The following SF3A3 variants were observed in gnomAD, a reference collection of about 807,000 sequenced individuals.
The protein encoded by SF3A3 is SAP 61.
SF3A3 carries 9 observed loss-of-function variants against 85.8 expected under a neutral mutation model. That is an observed-to-expected ratio of 0.10 (90% CI 0.06 to 0.18). SF3A3 has a LOEUF of 0.18. SF3A3 is among the 10% of genes least tolerant of loss of function. The pLI, the probability that SF3A3 is intolerant of heterozygous loss-of-function variation, is 1.00. For synonymous variants in SF3A3, 195 were observed against 204.4 expected (o/e 0.95, Z 0.39); for missense variants, 306 against 593.3 (o/e 0.52, Z 5.03).
intron 15 of SF3A3, among the ~76,000 whole-genome samples, chr1:37,967,677 CAAAAAAAAAAAAAAAAA>C (rs34369006): frequency 8.1e-4 from 36 of 44,240 alleles, no homozygotes; most frequent in African/African-American, 2.9e-3. Flanking sequence ...GACTCCGTCA[CAAAAAAAAAAAAAAAAA>C]AAAAAAAAAA....
At chr1:37,960,845 G>A (rs1301472472) in intron 15 of SF3A3, among the ~76,000 whole-genome samples, 1 of 151,964 alleles carries the variant, frequency 6.6e-6, no homozygotes, top group Admixed American at 6.6e-5. Context: ...AGTAGAGATG[G>A]GGTTTCACCG....
chr1:37,965,191 T>G (rs552291725), intron 15 of SF3A3, among the ~76,000 whole-genome samples: 1 of 147,972 alleles, frequency 6.8e-6, no homozygotes, highest in Non-Finnish European at 1.5e-5. Flanking sequence ...TAAAGTTGGG[T>G]GCAGTGCCTC....
Position 37,975,662 on chromosome 1 carries a change from T to A in SF3A3, c.1005+1222A>T, listed in dbSNP as rs990145791. Reference sequence around the variant, plus strand: ...CAGCGGAGAATATATCTCTCCAATGTCCAATGTCTAGCTAGCCTTTTACTG... The same window carrying A: ...CAGCGGAGAATATATCTCTCCAATGACCAATGTCTAGCTAGCCTTTTACTG... On this transcript the variant is annotated intron_variant, in intron 12 of 16. Coordinates refer to ENST00000373019, the MANE Select transcript of SF3A3 (RefSeq NM_006802.4). Among the ~76,000 whole-genome samples the A allele has an allele frequency of 2.0e-5, 3 of 152,156 alleles. No homozygotes were observed. In the East Asian group the frequency reaches 5.8e-4, roughly 29 times the overall value.
rs767990214 is a variant in SF3A3, at chr1:37,976,908, G to T, written c.981C>A (p.Ile327=). Residue 327 remains isoleucine, a synonymous_variant, in exon 12 of 17, where the codon ATC becomes ATA. Transcript: ENST00000373019. ...NKDIAFLEAQ[I]YEYVEILGEQ... ...CCCCGAGAATCTCTACATATTCATA[G>T]ATCTGGGCTTCTAGAAAAGCAATGT... is the stretch of plus-strand genomic sequence containing the variant. 50 of 1,607,272 alleles carry T rather than the reference G, an allele frequency of 3.1e-5. No individual in the cohort carries two copies. The highest frequency in any genetic ancestry group is 4.0e-5 in the Non-Finnish European group (47 of 1,174,006).
At chr1:37,967,785 G>A (rs976300279) in intron 15 of SF3A3, among the ~76,000 whole-genome samples, 11 of 151,450 alleles carry the variant, frequency 7.3e-5, no homozygotes, top group African/African-American at 1.5e-4. Flanking sequence ...GCTTGCGCCC[G>A]GGAGGCAGAG....
At position 37,958,231 on chromosome 1, in the gene SF3A3, C is replaced by G. The variant is rs1265905215; in HGVS notation, c.1461G>C (p.Val487=). The G allele has an allele frequency of 6.2e-7, 1 of 1,612,256 alleles. No homozygotes were observed. The highest frequency in any genetic ancestry group is 1.1e-5 in the South Asian group (1 of 91,030). ...TCAGATCCTCGTATGTCTTCTTATTCACAACATTCCCACTTGAGTCTTCAT... is the reference window on the plus strand; with the variant it reads ...TCAGATCCTCGTATGTCTTCTTATTGACAACATTCCCACTTGAGTCTTCAT... ...EEYEDSSGNV[V]NKKTYEDLKR... is the part of the protein sequence containing the mutation. Residue 487 remains valine (V), a synonymous_variant, in exon 17 of 17, where the codon GTG becomes GTC. Coordinates refer to ENST00000373019, the MANE Select transcript of SF3A3 (RefSeq NM_006802.4).
At chr1:37,970,655 G>C (rs1035393767) in intron 12 of SF3A3, among the ~76,000 whole-genome samples, 2 of 152,148 alleles carry the variant, frequency 1.3e-5, no homozygotes, top group African/African-American at 4.8e-5. Context: ...ATAACAAACT[G>C]TCTCTCAGAC....
At chr1:37,985,875 T>C (rs1280655705) in intron 4 of SF3A3, among the ~76,000 whole-genome samples, 1 of 152,028 alleles carries the variant, frequency 6.6e-6, no homozygotes, top group Non-Finnish European at 1.5e-5. Context: ...TTTTTCCCTG[T>C]GCTCCTTCAA....
At position 37,964,219 on chromosome 1, in the gene SF3A3, A is replaced by G. The variant is rs898332799; in HGVS notation, c.1372+3825T>C. On this transcript the variant is annotated intron_variant, in intron 15 of 16. Coordinates refer to ENST00000373019, the MANE Select transcript of SF3A3 (RefSeq NM_006802.4). ...CAAAAACAAACTCTGTATGGCTAAG[A>G]GAACACGATTTCTTTCTAGAAAGAC... Among the ~76,000 whole-genome samples, 4 of 152,190 alleles carry G rather than the reference A, an allele frequency of 2.6e-5. No individual in the cohort carries two copies. In the East Asian group the frequency reaches 7.8e-4, roughly 30 times the overall value.
At chr1:37,967,551 C>T (rs937826797) in intron 15 of SF3A3, among the ~76,000 whole-genome samples, 20 of 150,390 alleles carry the variant, frequency 1.3e-4, no homozygotes, top group Admixed American at 3.3e-4. Context: ...TGGTGGCGGG[C>T]GCCTGTAGTC....
chr1:37,980,942 C>T (rs779863262), intron 7 of SF3A3, among the ~76,000 whole-genome samples: 7 of 149,616 alleles, frequency 4.7e-5, no homozygotes, highest in South Asian at 4.2e-4. Flanking sequence ...CTCCGCCTCC[C>T]GGGTTAAAGC....
intron 12 of SF3A3, among the ~76,000 whole-genome samples, chr1:37,970,301 T>G (rs1333033392): frequency 4.8e-5 from 6 of 126,156 alleles, no homozygotes; most frequent in Non-Finnish European, 9.6e-5. Context: ...TGAGACTCCT[T>G]CTCAAAAAAA....
chr1:37,967,333 C>T (rs1646308791), intron 15 of SF3A3, among the ~76,000 whole-genome samples: 1 of 150,290 alleles, frequency 6.7e-6, no homozygotes, highest in African/African-American at 2.4e-5. Flanking sequence ...CACCTGAGGT[C>T]GGGAGTTCAA....
intron 12 of SF3A3, among the ~76,000 whole-genome samples, chr1:37,974,799 G>A (rs989246882): frequency 1.3e-5 from 2 of 152,052 alleles, no homozygotes; most frequent in Non-Finnish European, 2.9e-5. Context: ...AGTTTTCTCC[G>A]ACCATTCCCT....
chr1:37,979,982 T>A (rs10890238), intron 8 of SF3A3, among the ~76,000 whole-genome samples: 77,674 of 152,070 alleles, frequency 0.51, 20,762 homozygotes, highest in African/African-American at 0.66. Context: ...TGTTTATCCC[T>A]AGAAGTGAGA....
At chr1:37,985,487 C>T (rs1304711367) in intron 4 of SF3A3, among the ~76,000 whole-genome samples, 2 of 152,204 alleles carry the variant, frequency 1.3e-5, no homozygotes, top group East Asian at 1.9e-4. Flanking sequence ...TTTTAAAGAT[C>T]CCCAGGTGGC....
intron 16 of SF3A3, among the ~76,000 whole-genome samples, chr1:37,958,794 T>C (rs1304035627): frequency 6.6e-6 from 1 of 152,170 alleles, no homozygotes; most frequent in Non-Finnish European, 1.5e-5. Flanking sequence ...TGAAAACCAC[T>C]GACTCAAAAA....
At chr1:37,959,975 AAAAG>A in intron 16 of SF3A3, 141 bp downstream of exon 16, 3 of 605,024 alleles carry the variant, frequency 5.0e-6, no homozygotes, top group Admixed American at 2.8e-5. Flanking sequence ...AAAAAAAAAA[AAAAG>A]GAAAAGTCAA....
At chr1:37,983,609 G>A (rs891867493) in intron 6 of SF3A3, among the ~76,000 whole-genome samples, 3,302 of 40,160 alleles carry the variant, frequency 0.082, 6 homozygotes, top group East Asian at 0.13. Context: ...AAAAAAAAAA[G>A]ATTTATTTTG....
Sources: gnomAD v4.1 joint callset for allele counts (sites outside exome capture counted in the v4.1 genomes callset) on GRCh38, gnomAD v4.1.1 for gene constraint, MANE v1.5 for transcripts, NCBI Gene and HGNC (gene_info 2026-07-23, HGNC 2026-07-21) for gene names.